The following PCNX3 variants were observed in gnomAD, a reference collection of about 807,000 sequenced individuals.
PCNX3 encodes pecanex 3.
In PCNX3, 58 loss-of-function variants were observed where a neutral mutation model predicts 207.2. The observed-to-expected ratio is 0.28, with a 90% CI of 0.23 to 0.35. The LOEUF (loss-of-function observed/expected upper bound fraction) is 0.35. Among genes scored for constraint, PCNX3 ranks in the 10% least tolerant of loss-of-function variants. The pLI is 1.00. For missense variants in PCNX3, 2,410 were observed against 2,774.4 expected (o/e 0.87, Z 2.95); for synonymous variants, 1,337 against 1,183.5 (o/e 1.13, Z -2.66).
At position 65,618,464 on chromosome 11, in the gene PCNX3, G is replaced by A. The variant is rs763679670; in HGVS notation, c.1102G>A (p.Ala368Thr). 1 of 1,609,464 alleles carries A rather than the reference G, an allele frequency of 6.2e-7. No individual in the cohort carries two copies. The highest frequency in any genetic ancestry group is 1.7e-5 in the Admixed American group (1 of 59,302). ...TLRSFDTVIG[A>T]GTPPGLAEPL... ...GCGTTCCTTTGACACGGTCATTGGA[G>A]CAGGGACGCCACCGGGCCTGGCTGA... is the stretch of plus-strand genomic sequence containing the variant. The change falls in exon 6 of 35, where the codon GCA (alanine) becomes ACA (threonine). Residue 368 changes from alanine to threonine, a missense_variant. This residue lies in a region of PCNX3 where 1,104 missense variants were observed against 970.3 expected (regional missense o/e 1.14). Transcript: ENST00000355703.
In PCNX3 at chr11:65,636,919, G is replaced by A. The variant is rs1307068669; in HGVS notation, c.6046G>A (p.Ala2016Thr). 3 of 1,561,580 alleles carry A rather than the reference G, an allele frequency of 1.9e-6. No homozygotes were observed. The highest frequency in any genetic ancestry group is 2.4e-5 in the East Asian group (1 of 41,816). Residue 2016 changes from alanine (A) to threonine (T), a missense_variant, in exon 35 of 35, where the codon GCC (alanine) becomes ACC (threonine). Around this residue, in one of 8 missense-constraint regions of PCNX3, gnomAD observed 278 missense variants for 245.1 expected, o/e 1.13. Transcript: ENST00000355703. ...TATGGGTGCCCTGGGCGACTGGCCTGCCCCTATTGAGGAGCGTGAGAGCCC... is the reference window on the plus strand; with the variant it reads ...TATGGGTGCCCTGGGCGACTGGCCTACCCCTATTGAGGAGCGTGAGAGCCC... ...TPMGALGDWP[A>T]PIEERESPAA...
intron 26 of PCNX3, among the ~76,000 whole-genome samples, chr11:65,630,025 T>C (rs1213314442): frequency 1.3e-5 from 2 of 152,228 alleles, no homozygotes; most frequent in Non-Finnish European, 2.9e-5. Flanking sequence ...CCCAGCCTGC[T>C]CTGTGGTCTC....
At chr11:65,627,619 C>A in intron 22 of PCNX3, 37 bp downstream of exon 22, 2 of 1,604,526 alleles carry the variant, frequency 1.2e-6, no homozygotes, top group African/African-American at 2.7e-5. Context: ...CCAGGCTGTC[C>A]AATGGGAGCA....
Position 65,635,777 on chromosome 11 carries a change from C to T in PCNX3, c.5433C>T (p.Ala1811=), listed in dbSNP as rs766883211. 31 of 1,603,682 alleles carry T rather than the reference C, an allele frequency of 1.9e-5. No homozygotes were observed. The South Asian group carries it at 3.5e-4, about 18-fold the overall frequency. The part of the protein sequence containing the change: ...WGGPISLGAI[A]HWLLRTWERL... ...GCCCCATCAGCCTGGGTGCCATTGC[C>T]CACTGGCTCCTGCGCACCTGGGAGA... The change falls in exon 32 of 35, where the codon GCC becomes GCT. Residue 1811 remains alanine (A), a synonymous_variant. Transcript: ENST00000355703. The surrounding 1 kb of genome is among the most constrained non-coding windows in gnomAD (Gnocchi z 9.9).
At position 65,624,931 on chromosome 11, in the gene PCNX3, C is replaced by G; in HGVS notation, c.2834C>G (p.Thr945Ser). ...ACTTCTCCCTTCCACACAGCTGCCA[C>G]CAGCCCGCTCACGGCAGTCTTCAGC... ...DMHGFGGTAA[T>S]SPLTAVFSLS... is the part of the protein sequence containing the mutation. Residue 945 changes from threonine (T) to serine (S), a missense_variant, in exon 16 of 35, where the codon ACC (threonine) becomes AGC (serine). Thr to Ser is a moderately conservative substitution (Grantham distance 58). This residue lies in a region of PCNX3 where 333 missense variants were observed against 386.8 expected (regional missense o/e 0.86). Coordinates refer to ENST00000355703, the MANE Select transcript of PCNX3 (RefSeq NM_032223.4). 2 of 1,609,060 alleles carry G rather than the reference C, an allele frequency of 1.2e-6. No homozygotes were observed. The highest frequency in any genetic ancestry group is 8.5e-7 in the Non-Finnish European group (1 of 1,178,726).
At position 65,616,199 on chromosome 11, in the gene PCNX3, GGCGTGA is replaced by G. The variant is rs917122030; in HGVS notation, c.-105_-100del. 8.3e-6 allele frequency: 7 copies of G among 847,312 alleles called. No individual in the cohort carries two copies. In the Admixed American group the frequency reaches 1.7e-4, roughly 20 times the overall value. 52.5% of individuals were successfully genotyped at this position (847,312 alleles called of 1,614,324 possible). ...CCCCTCCCCCGCTGGGGGAGGCCAT[GGCGTGA>G]GCGTGAGGCCGGGCCCCGGGGCCCT... On this transcript the variant is annotated 5_prime_UTR_variant, in exon 1 of 35. Transcript: ENST00000355703.
chr11:65,630,680 C>A, intron 27 of PCNX3, 76 bp downstream of exon 27: 1 of 1,532,864 alleles, frequency 6.5e-7, no homozygotes, highest in South Asian at 1.2e-5. Context: ...CCAGTACCCC[C>A]TTTCTGGGTT....
chr11:65,637,136 C>T lies in PCNX3; in HGVS notation c.*158C>T. On this transcript the variant is annotated 3_prime_UTR_variant, in exon 35 of 35. Transcript: ENST00000355703. Reference sequence around the variant, plus strand: ...AGTACCAAAACTGAGTGACCCAGACCTCTGACCTTGACCCCTGATCTCTCT... The same window carrying T: ...AGTACCAAAACTGAGTGACCCAGACTTCTGACCTTGACCCCTGATCTCTCT... 1.3e-6 allele frequency: 1 copy of T among 780,198 alleles called. No homozygotes were observed. Among genetic ancestry groups the T allele is most frequent in the Non-Finnish European group, 2.0e-6 (1 of 494,650 alleles). 48.3% of individuals were successfully genotyped at this position (780,198 alleles called of 1,614,324 possible).
intron 26 of PCNX3, 64 bp downstream of exon 26, chr11:65,629,799 C>G (rs1855546974): frequency 6.6e-7 from 1 of 1,504,930 alleles, no homozygotes; most frequent in African/African-American, 1.4e-5. Context: ...GAGCTGTGTT[C>G]AATAGCACGT....
intron 23 of PCNX3, 44 bp from the exon 24 acceptor site, chr11:65,628,775 G>GGGGGGGGGGGGGGGGGGGC: frequency 1.3e-6 from 2 of 1,500,478 alleles, no homozygotes; most frequent in Admixed American, 1.7e-5. Context: ...GTGGTGGGGG[G>GGGGGGGGGGGGGGGGGGGC]CTGGGAGGTC....
chr11:65,626,815 ACCGCACAGCCTGCCCT>A, intron 20 of PCNX3, 73 bp from the exon 21 acceptor site: 1 of 1,537,294 alleles, frequency 6.5e-7, no homozygotes, highest in South Asian at 1.2e-5. Context: ...AGGAGTCAGG[ACCGCACAGCCTGCCCT>A]CCTAGGGAAG....
At chr11:65,628,551 G>A (rs1188762095) in intron 22 of PCNX3, 44 bp from the exon 23 acceptor site, 22 of 1,582,338 alleles carry the variant, frequency 1.4e-5, no homozygotes, top group Non-Finnish European at 1.8e-5. Context: ...GCTTCCATGA[G>A]TGACCCTGCA....
intron 26 of PCNX3, among the ~76,000 whole-genome samples, chr11:65,629,948 T>C (rs1365585662): frequency 6.6e-6 from 1 of 152,180 alleles, no homozygotes; most frequent in Non-Finnish European, 1.5e-5. Flanking sequence ...CTGCCCCAAC[T>C]TTAGGTCCCA....
Position 65,630,340 on chromosome 11 carries a change from C to G in PCNX3, c.4217-11C>G, listed in dbSNP as rs1271082202. 6.2e-7 allele frequency: 1 copy of G among 1,612,188 alleles called. No individual in the cohort carries two copies. Among genetic ancestry groups the G allele is most frequent in the African/African-American group, 1.3e-5 (1 of 74,930 alleles). Reference sequence around the variant, plus strand: ...TCTAGCAGCCCCTGACTGCACACCCCTCCTCCACAGGCACTTACTGCCAGC... The same window carrying G: ...TCTAGCAGCCCCTGACTGCACACCCGTCCTCCACAGGCACTTACTGCCAGC... On this transcript the variant is annotated splice_polypyrimidine_tract_variant and intron_variant, in intron 26 of 34. Transcript: ENST00000355703.
intron 21 of PCNX3, 46 bp from the exon 22 acceptor site, chr11:65,627,359 G>T (rs774970244): frequency 6.3e-7 from 1 of 1,583,346 alleles, no homozygotes; most frequent in Admixed American, 1.7e-5. Flanking sequence ...TATACCCACT[G>T]CCCCGGTCCC....
At chr11:65,621,245 TTAA>T (rs1349490296) in intron 10 of PCNX3, among the ~76,000 whole-genome samples, 1 of 152,192 alleles carries the variant, frequency 6.6e-6, no homozygotes. Context: ...GCCATGGGTG[TTAA>T]TGATGATACT....
intron 11 of PCNX3, among the ~76,000 whole-genome samples, chr11:65,622,651 A>G (rs1040433455): frequency 6.6e-6 from 1 of 152,212 alleles, no homozygotes; most frequent in African/African-American, 2.4e-5. Flanking sequence ...GCTGGAGTGC[A>G]GTGGCATGAT....
intron 27 of PCNX3, among the ~76,000 whole-genome samples, chr11:65,633,264 TC>T (rs1437322097): frequency 6.6e-6 from 1 of 152,208 alleles, no homozygotes; most frequent in East Asian, 1.9e-4. Flanking sequence ...CTACCTGTCT[TC>T]CAAAGCTCCT....
rs1488188725 is a variant in PCNX3 at position 65,625,287 on chromosome 11, G to A, written c.3029+7G>A. 3.7e-6 allele frequency: 6 copies of A among 1,602,974 alleles called. No individual in the cohort carries two copies. The highest frequency in any genetic ancestry group is 5.1e-6 in the Non-Finnish European group (6 of 1,174,490). On this transcript the variant is annotated splice_region_variant and intron_variant, in intron 17 of 34. Transcript: ENST00000355703. This position sits in a 1 kb window ranked among gnomAD's most constrained non-coding sequence, Gnocchi z 5.6. The stretch of plus-strand genomic sequence containing the variant: ...GCGACCCCACCGTGCTCTGGTGGGT[G>A]TGCTCCGGGTCGTGTGTTTGTGTCT...
Sources: allele counts gnomAD v4.1 joint callset (sites outside exome capture counted in the v4.1 genomes callset), GRCh38; gene constraint gnomAD v4.1.1; regional missense constraint gnomAD v4.1.1; non-coding constraint Gnocchi (gnomAD v3.1); transcripts MANE v1.5; gene names NCBI Gene and HGNC (gene_info 2026-07-23, HGNC 2026-07-21).